Variants in PCDH10 observed in about 807,000 individuals in gnomAD.
The protein encoded by PCDH10 is protocadherin-10.
In PCDH10, 15 loss-of-function variants were observed where a neutral mutation model predicts 74.4. That is an observed-to-expected ratio of 0.20 (90% CI 0.13 to 0.31). The LOEUF (loss-of-function observed/expected upper bound fraction) is 0.31. Among genes scored for constraint, PCDH10 ranks in the 10% least tolerant of loss-of-function variants. The pLI is 1.00. For missense variants in PCDH10, 1,260 were observed against 1,390.2 expected, an observed-to-expected ratio of 0.91 and a Z score of 1.49; for synonymous variants, 619 against 589.8, an observed-to-expected ratio of 1.05 and a Z score of -0.72.
rs1272727731 is a variant in PCDH10 at position 133,193,466 on chromosome 4, C to A, written c.*3306C>A. 6.6e-6 allele frequency: 1 copy of A among 151,544 alleles called. No homozygotes were observed. Among genetic ancestry groups the A allele is most frequent in the Non-Finnish European group, 1.5e-5 (1 of 67,624 alleles). 9.4% of individuals were successfully genotyped at this position (151,544 alleles called of 1,614,324 possible). ...AGATTCTCTGTATTATAGAAGCTAT[C>A]TTGCTTCTTCAATAAGAGGAGGAAA... On this transcript the variant is annotated 3_prime_UTR_variant, in exon 5 of 5. Coordinates refer to ENST00000264360, the MANE Select transcript of PCDH10 (RefSeq NM_032961.3).
chr4:133,184,703 ATATATT>A (rs893155282), intron 4 of PCDH10, among the ~76,000 whole-genome samples: 11 of 145,080 alleles, frequency 7.6e-5, no homozygotes, highest in African/African-American at 2.8e-4. Flanking sequence ...TATAAAATAT[ATATATT>A]TATATTTGTT....
intron 4 of PCDH10, among the ~76,000 whole-genome samples, chr4:133,165,581 A>G (rs933573228): frequency 1.2e-4 from 18 of 151,708 alleles, no homozygotes; most frequent in African/African-American, 3.6e-4. Flanking sequence ...AAAAATTGAC[A>G]CTACTTGCTT....
At position 133,187,420 on chromosome 4, in the gene PCDH10, T is replaced by TCACAGACACTGAG. The variant is rs1316966895; in HGVS notation, c.3104-2721_3104-2720insCACAGACACTGAG. Among the ~76,000 whole-genome samples, 4 of 152,188 alleles carry TCACAGACACTGAG rather than the reference T, an allele frequency of 2.6e-5. No homozygotes were observed. The South Asian group carries it at 6.2e-4, about 24-fold the overall frequency. Reference sequence around the variant, plus strand: ...GCATCCTTCGATTTTGGGGGCAACCTGGAAACAGGCCCTCACAGACACTGA... The same window carrying TCACAGACACTGAG: ...GCATCCTTCGATTTTGGGGGCAACCTCACAGACACTGAGGGAAACAGGCCCTCACAGACACTGA... On this transcript the variant is annotated intron_variant, in intron 4 of 4. Coordinates refer to ENST00000264360, the MANE Select transcript of PCDH10 (RefSeq NM_032961.3).
chr4:133,169,397 A>T, intron 4 of PCDH10, among the ~76,000 whole-genome samples: 1 of 151,864 alleles, frequency 6.6e-6, no homozygotes, highest in East Asian at 1.9e-4. Context: ...CACCACTTTT[A>T]TTCAATACTT....
chr4:133,175,682 C>T (rs1184911825), intron 4 of PCDH10, among the ~76,000 whole-genome samples: 3 of 152,036 alleles, frequency 2.0e-5, no homozygotes, highest in Non-Finnish European at 4.4e-5. Flanking sequence ...CCACACATGG[C>T]CCAATGCATC....
At chr4:133,155,802 A>G (rs1726853608) in intron 3 of PCDH10, among the ~76,000 whole-genome samples, 1 of 152,146 alleles carries the variant, frequency 6.6e-6, no homozygotes, top group Non-Finnish European at 1.5e-5. Flanking sequence ...GGTAACTCTT[A>G]TTACTAATAC....
intron 2 of PCDH10, among the ~76,000 whole-genome samples, chr4:133,201,685 C>G (rs542070641): frequency 2.0e-5 from 3 of 151,850 alleles, no homozygotes; most frequent in African/African-American, 7.2e-5. Flanking sequence ...AGAGAAACCC[C>G]GTCTCTACTA....
At chr4:133,161,823 T>C (rs577683013) in intron 3 of PCDH10, among the ~76,000 whole-genome samples, 2 of 152,122 alleles carry the variant, frequency 1.3e-5, no homozygotes, top group Non-Finnish European at 2.9e-5. Context: ...GGGGAGCTTC[T>C]TAGCCATTTA....
At position 133,194,519 on chromosome 4, in the gene PCDH10, A is replaced by G. The variant is rs528984734; in HGVS notation, c.*4359A>G. On this transcript the variant is annotated 3_prime_UTR_variant, in exon 5 of 5. Transcript: ENST00000264360. Reference sequence around the variant, plus strand: ...TACAGTGTTTGTTACTGTGAATGCTATAATAATACATAAGTAAAATGAGTG... The same window carrying G: ...TACAGTGTTTGTTACTGTGAATGCTGTAATAATACATAAGTAAAATGAGTG... The G allele has an allele frequency of 9.9e-5, 15 of 152,036 alleles. No homozygotes were observed. Among genetic ancestry groups the G allele is most frequent in the African/African-American group, 3.4e-4 (14 of 41,572 alleles). The allele number at this position is 152,036 out of a possible 1,614,324, so 9.4% of individuals were successfully genotyped here. A position where few individuals can be genotyped will look rare whatever the true frequency, so the allele number is the denominator to read the frequency against.
At chr4:133,183,328 G>A (rs954233007) in intron 4 of PCDH10, among the ~76,000 whole-genome samples, 1 of 151,986 alleles carries the variant, frequency 6.6e-6, no homozygotes, top group East Asian at 1.9e-4. Context: ...TTATGAGAAG[G>A]TAGTTTTGAT....
intron 2 of PCDH10, 152 bp downstream of exon 2, chr4:133,154,517 C>A (rs924746926): frequency 1.8e-6 from 1 of 560,070 alleles, no homozygotes; most frequent in Non-Finnish European, 3.2e-6. Context: ...GTTTCCTAGA[C>A]AATACATTAA....
At position 133,150,645 on chromosome 4, in the gene PCDH10, C is replaced by T. The variant is rs1726645419; in HGVS notation, c.505C>T (p.Leu169=). 6.2e-7 allele frequency: 1 copy of T among 1,613,340 alleles called. No homozygotes were observed. Among genetic ancestry groups the T allele is most frequent in the East Asian group, 2.2e-5 (1 of 44,836 alleles). ...YEITPNSYFS[L]DVQTQGDGNR... is the part of the protein sequence containing the mutation. ...GATCACCCCCAACAGCTACTTCTCC[C>T]TGGACGTGCAGACCCAGGGGGATGG... Residue 169 remains leucine (L), a synonymous_variant, in exon 1 of 5, where the codon CTG becomes TTG. Coordinates refer to ENST00000264360, the MANE Select transcript of PCDH10 (RefSeq NM_032961.3).
rs76045907 is a variant in PCDH10 at position 133,176,708 on chromosome 4, C to A, written c.3103+13426C>A. Among the ~76,000 whole-genome samples, 65 of 152,172 alleles carry A rather than the reference C, an allele frequency of 4.3e-4. 1 individual carries two copies. In the East Asian group the frequency reaches 0.013, roughly 29 times the overall value. ...AAACAATGGAACAGATATTATAGAA[C>A]CAAATACATAATGCTCAGCAAAGAT... On this transcript the variant is annotated intron_variant, in intron 4 of 4. Transcript: ENST00000264360.
In PCDH10 at chr4:133,150,339, A is replaced by G. The variant is rs1726632204; in HGVS notation, c.199A>G (p.Asn67Asp). The G allele has an allele frequency of 6.2e-7, 1 of 1,613,182 alleles. No individual in the cohort carries two copies. Among genetic ancestry groups the G allele is most frequent in the African/African-American group, 1.3e-5 (1 of 74,840 alleles). The stretch of plus-strand genomic sequence containing the variant: ...CTCAAGGACCCCTTACTTAGACCTC[A>G]ACCTGGAGACAGGGGTGCTGTACGT... ...PNSRTPYLDLNLETGVLYVNE... is the reference protein window; with the variant it reads ...PNSRTPYLDLDLETGVLYVNE... The change falls in exon 1 of 5, where the codon AAC becomes GAC. Residue 67 changes from asparagine to aspartate, a missense_variant. Coordinates refer to ENST00000264360, the MANE Select transcript of PCDH10 (RefSeq NM_032961.3).
intron 4 of PCDH10, among the ~76,000 whole-genome samples, chr4:133,167,029 A>C (rs535961156): frequency 6.6e-6 from 1 of 151,626 alleles, no homozygotes; most frequent in East Asian, 1.9e-4. Flanking sequence ...CATTTAGACT[A>C]GTCCAAGTAT....
chr4:133,173,043 T>C (rs1411887571), intron 4 of PCDH10, among the ~76,000 whole-genome samples: 1 of 151,942 alleles, frequency 6.6e-6, no homozygotes, highest in Non-Finnish European at 1.5e-5. Context: ...TAGAAACAAA[T>C]ATTTAAATAT....
chr4:133,153,361 G>C, intron 1 of PCDH10: 1 of 624,470 alleles, frequency 1.6e-6, no homozygotes, highest in Non-Finnish European at 2.0e-6. Context: ...AGCATTTACA[G>C]ACGCTCTTGA....
intron 2 of PCDH10, 138 bp downstream of exon 2, chr4:133,154,503 TTG>T (rs1429843324): frequency 1.7e-6 from 1 of 580,812 alleles, no homozygotes; most frequent in Non-Finnish European, 3.0e-6. Flanking sequence ...ATGAACTATA[TTG>T]TGTTTCCTAG....
intron 4 of PCDH10, among the ~76,000 whole-genome samples, chr4:133,174,694 G>A (rs1470261100): frequency 1.3e-5 from 2 of 151,072 alleles, no homozygotes; most frequent in African/African-American, 4.8e-5. Flanking sequence ...ATTTAGAAAT[G>A]CCTTTTTTGA....
Sources: allele counts gnomAD v4.1 joint callset (sites outside exome capture counted in the v4.1 genomes callset), GRCh38; gene constraint gnomAD v4.1.1; transcripts MANE v1.5; gene names NCBI Gene and HGNC (gene_info 2026-07-23, HGNC 2026-07-21).